SULF2: variants seen among roughly 807,000 people sequenced by gnomAD.
SULF2 encodes sulfatase 2.
Under a neutral mutation model 107.7 loss-of-function variants are expected in SULF2, and 52 were observed. That is an observed-to-expected ratio of 0.48 (90% confidence interval 0.39 to 0.61). The LOEUF is 0.61. Ranked by LOEUF, SULF2 falls within the 20% of genes least tolerant of loss-of-function variation. The probability of loss-of-function intolerance (pLI) is 0.00; values close to 1 mark genes in which losing one functional copy is unlikely to be tolerated. For missense variants in SULF2, 993 were observed against 1,177.3 expected, an observed-to-expected ratio of 0.84 and a Z score of 2.29; for synonymous variants, 460 against 464.3, an observed-to-expected ratio of 0.99 and a Z score of 0.12.
At chr20:47,718,491 C>G (rs2089191473) in intron 3 of SULF2, among the ~76,000 whole-genome samples, 1 of 152,068 alleles carries the variant, frequency 6.6e-6, no homozygotes, top group Admixed American at 6.5e-5. Context: ...CTTCCTGGAG[C>G]TTCTGTCCTA....
intron 2 of SULF2, among the ~76,000 whole-genome samples, chr20:47,741,594 G>C (rs1357108536): frequency 6.6e-6 from 1 of 152,174 alleles, no homozygotes; most frequent in Non-Finnish European, 1.5e-5. Context: ...GCTCAGCCTA[G>C]AACAGTGCCT....
intron 3 of SULF2, among the ~76,000 whole-genome samples, chr20:47,717,845 G>T (rs536107775): frequency 7.1e-6 from 1 of 141,558 alleles, no homozygotes; most frequent in Admixed American, 7.6e-5. Flanking sequence ...ATGGAGTCTC[G>T]CTCTGTCACC....
Position 47,704,787 on chromosome 20 carries a change from C to T in SULF2, c.416-2117G>A, listed in dbSNP as rs77179433. ...GAGATCTTGCTAACAGACAGCTCAGCGCTGGGCCTTGTGCACGTGAGTGCT... is the reference window on the plus strand; with the variant it reads ...GAGATCTTGCTAACAGACAGCTCAGTGCTGGGCCTTGTGCACGTGAGTGCT... On this transcript the variant is annotated intron_variant, in intron 3 of 20. Coordinates refer to ENST00000688720, the MANE Select transcript of SULF2 (RefSeq NM_001387048.1). Among the ~76,000 whole-genome samples, 17 of 152,304 alleles carry T rather than the reference C, an allele frequency of 1.1e-4. No homozygotes were observed. In the East Asian group the frequency reaches 3.1e-3, roughly 28 times the overall value.
intron 5 of SULF2, 49 bp downstream of exon 5, chr20:47,690,077 C>G: frequency 7.4e-7 from 1 of 1,352,480 alleles, no homozygotes; most frequent in African/African-American, 1.5e-5. Context: ...CCTGACCCTC[C>G]CCCTTCATGC....
At position 47,678,527 on chromosome 20, in the gene SULF2, A is replaced by ACGGGGACCATGCTTCTCTCCCT; in HGVS notation, c.1193+148_1193+149insAGGGAGAGAAGCATGGTCCCCG. 4.0e-6 allele frequency: 4 copies of ACGGGGACCATGCTTCTCTCCCT among 991,290 alleles called. No homozygotes were observed. Among genetic ancestry groups the ACGGGGACCATGCTTCTCTCCCT allele is most frequent in the Non-Finnish European group, 4.5e-6 (3 of 669,590 alleles). The allele number at this position is 991,290 out of a possible 1,614,324, so 61.4% of individuals were successfully genotyped here. On this transcript the variant is annotated intron_variant, in intron 8 of 20. Coordinates refer to ENST00000688720, the MANE Select transcript of SULF2 (RefSeq NM_001387048.1). This position sits in a 1 kb window ranked among gnomAD's most constrained non-coding sequence, Gnocchi z 4.5. ...GGAGAGGGGACCATGCTTCTCTCCCACAGCAGGTAAGTGGTTGGCATGGCG... is the reference window on the plus strand; with the variant it reads ...GGAGAGGGGACCATGCTTCTCTCCCACGGGGACCATGCTTCTCTCCCTCAGCAGGTAAGTGGTTGGCATGGCG...
intron 2 of SULF2, among the ~76,000 whole-genome samples, chr20:47,746,843 G>T (rs1398352482): frequency 6.6e-6 from 1 of 151,834 alleles, no homozygotes; most frequent in African/African-American, 2.4e-5. Flanking sequence ...TGTGGGGTGG[G>T]GGGAGAGGGG....
chr20:47,744,638 A>C (rs2089964898), intron 2 of SULF2, among the ~76,000 whole-genome samples: 1 of 152,124 alleles, frequency 6.6e-6, no homozygotes, highest in African/African-American at 2.4e-5. Context: ...TCCAGGGCTC[A>C]AGTGATCCTC....
At chr20:47,660,904 T>TG (rs2087044174) in intron 18 of SULF2, among the ~76,000 whole-genome samples, 1 of 152,200 alleles carries the variant, frequency 6.6e-6, no homozygotes, top group Non-Finnish European at 1.5e-5. Flanking sequence ...CCATGTTGTC[T>TG]GGGGGCTTCA....
At chr20:47,754,553 T>C (rs1600654532) in intron 2 of SULF2, among the ~76,000 whole-genome samples, 1 of 152,196 alleles carries the variant, frequency 6.6e-6, no homozygotes, top group African/African-American at 2.4e-5. Context: ...GCAAGACTTG[T>C]AGGCCCTAAT....
At chr20:47,722,550 C>T (rs1349718675) in intron 3 of SULF2, among the ~76,000 whole-genome samples, 1 of 152,134 alleles carries the variant, frequency 6.6e-6, no homozygotes, top group East Asian at 1.9e-4. Flanking sequence ...GTGTGAGCCA[C>T]CGTGCCTGGC....
rs1275213753 is a variant in SULF2, at chr20:47,745,450, T to C, written c.176-8508A>G. On this transcript the variant is annotated intron_variant, in intron 2 of 20. Transcript: ENST00000688720. ...ATATATATATATATATATATATATA[T>C]ATATATACACATACACACACACTTT... Among the ~76,000 whole-genome samples, 11 of 16,108 alleles carry C rather than the reference T, an allele frequency of 6.8e-4. 1 individual carries two copies. The highest frequency in any genetic ancestry group is 3.3e-3 in the African/African-American group (9 of 2,692). 10.6% of individuals were successfully genotyped at this position (16,108 alleles called of 152,430 possible). A position where few individuals can be genotyped will look rare whatever the true frequency, so the allele number is the denominator to read the frequency against.
Position 47,661,905 on chromosome 20 carries a change from A to C in SULF2, c.2371-9T>G. On this transcript the variant is annotated splice_polypyrimidine_tract_variant and intron_variant, in intron 17 of 20. Transcript: ENST00000688720. ...TTCACTGCATTCATCAGCTGGTTGCAAAAAAGGTAGTCTGTCAACAAGGTA... is the reference window on the plus strand; with the variant it reads ...TTCACTGCATTCATCAGCTGGTTGCCAAAAAGGTAGTCTGTCAACAAGGTA... 8 of 1,536,600 alleles carry C rather than the reference A, an allele frequency of 5.2e-6. No individual in the cohort carries two copies. Among genetic ancestry groups the C allele is most frequent in the Non-Finnish European group, 7.1e-6 (8 of 1,128,962 alleles).
At chr20:47,743,250 G>A (rs1436272510) in intron 2 of SULF2, among the ~76,000 whole-genome samples, 1 of 152,134 alleles carries the variant, frequency 6.6e-6, no homozygotes, top group East Asian at 1.9e-4. Flanking sequence ...TCTAATCACT[G>A]TTTTCTCTGC....
In SULF2 at chr20:47,678,878, C is replaced by T. The variant is rs766989346; in HGVS notation, c.1065-74G>A. 5.0e-5 allele frequency: 67 copies of T among 1,346,394 alleles called. No homozygotes were observed. The highest frequency in any genetic ancestry group is 8.6e-5 in the African/African-American group (6 of 70,136). 83.4% of individuals were successfully genotyped at this position (1,346,394 alleles called of 1,614,324 possible). ...TCAGCCTCGCGTGGGGGGTGGGGAGCGGTAGGTGGGCAGCAGTTTGTGGGA... is the reference window on the plus strand; with the variant it reads ...TCAGCCTCGCGTGGGGGGTGGGGAGTGGTAGGTGGGCAGCAGTTTGTGGGA... On this transcript the variant is annotated intron_variant, in intron 7 of 20. Coordinates refer to ENST00000688720, the MANE Select transcript of SULF2 (RefSeq NM_001387048.1). The surrounding 1 kb of genome is among the most constrained non-coding windows in gnomAD (Gnocchi z 4.5).
chr20:47,737,083 T>C, intron 2 of SULF2, 141 bp from the exon 3 acceptor site: 1 of 1,240,288 alleles, frequency 8.1e-7, no homozygotes, highest in Non-Finnish European at 1.1e-6. Flanking sequence ...CAGGGGCCAC[T>C]GCTGCACGGT....
At chr20:47,760,539 T>C (rs2090396769) in intron 1 of SULF2, among the ~76,000 whole-genome samples, 1 of 152,154 alleles carries the variant, frequency 6.6e-6, no homozygotes, top group Admixed American at 6.5e-5. Context: ...ATCATTTCTT[T>C]GCTCCCTTTG....
intron 2 of SULF2, among the ~76,000 whole-genome samples, chr20:47,742,140 C>A (rs1412640029): frequency 1.3e-5 from 2 of 152,204 alleles, no homozygotes; most frequent in East Asian, 3.9e-4. Flanking sequence ...GGGACAGTAA[C>A]CTGCTTTATT....
intron 2 of SULF2, among the ~76,000 whole-genome samples, chr20:47,740,099 T>A (rs1013683107): frequency 6.6e-6 from 1 of 152,202 alleles, no homozygotes; most frequent in African/African-American, 2.4e-5. Flanking sequence ...TCTATGCCAG[T>A]AATAATCATT....
At position 47,666,119 on chromosome 20, in the gene SULF2, A is replaced by G. The variant is rs769501206; in HGVS notation, c.1805+141T>C. The G allele has an allele frequency of 1.1e-5, 17 of 1,610,668 alleles. No individual in the cohort carries two copies. The South Asian group carries it at 1.8e-4, about 17-fold the overall frequency. ...GTCACTTTAATGGGGTTGGCGGCTG[A>G]ATAGTCGGGAAGGCCTCCAGTGCCA... On this transcript the variant is annotated intron_variant, in intron 12 of 20. Coordinates refer to ENST00000688720, the MANE Select transcript of SULF2 (RefSeq NM_001387048.1). This position sits in a 1 kb window ranked among gnomAD's most constrained non-coding sequence, Gnocchi z 5.4.
Sources: gnomAD v4.1 joint callset for allele counts (sites outside exome capture counted in the v4.1 genomes callset) on GRCh38, gnomAD v4.1.1 for gene constraint, Gnocchi (gnomAD v3.1) non-coding constraint, MANE v1.5 for transcripts, NCBI Gene and HGNC (gene_info 2026-07-23, HGNC 2026-07-21) for gene names.